The following LILRB4 variants were observed in gnomAD, a reference collection of about 807,000 sequenced individuals.
LILRB4 encodes leukocyte immunoglobulin-like receptor subfamily B member 4.
Under a neutral mutation model 55.2 loss-of-function variants are expected in LILRB4, and 49 were observed. The observed-to-expected ratio is 0.89, with a 90% CI of 0.71 to 1.13. The LOEUF is 1.13. Among genes scored for constraint, LILRB4 ranks in the 50% most tolerant of loss-of-function variants. The pLI is 0.00. For missense variants in LILRB4, 590 were observed against 555.2 expected (o/e 1.06, Z -0.63); for synonymous variants, 229 against 213.8 (o/e 1.07, Z -0.62).
chr19:54,666,520 T>G lies in LILRB4; in HGVS notation c.988+84T>G, dbSNP rs1466247178. 2.5e-5 allele frequency: 39 copies of G among 1,543,490 alleles called. No homozygotes were observed. Among genetic ancestry groups the G allele is most frequent in the Non-Finnish European group, 3.5e-5 (39 of 1,123,550 alleles). ...TAGCAATGGGGGCAGGAGCACAGGC[T>G]AGGATTGGTCAGGGACTCAGGGAGA... is the stretch of plus-strand genomic sequence containing the variant. On this transcript the variant is annotated intron_variant, in intron 9 of 11. Transcript: ENST00000430952. The surrounding 1 kb of genome is among the most constrained non-coding windows in gnomAD (Gnocchi z 4.8).
At chr19:54,663,536 G>C (rs1463212750) in exon 2 of LILRB4, 1 of 1,613,248 alleles carries the variant, frequency 6.2e-7, no homozygotes, top group Non-Finnish European at 8.5e-7. Flanking sequence ...TTCCAGGGCT[G>C]AGTCTGGGCC....
In LILRB4 at chr19:54,665,706, T is replaced by G; in HGVS notation, c.758-109T>G. On this transcript the variant is annotated intron_variant, in intron 6 of 11. Transcript: ENST00000430952. This position sits in a 1 kb window ranked among gnomAD's most constrained non-coding sequence, Gnocchi z 5.5. ...GCAATCTCAGGTTGCACAACTGCTG[T>G]GAGGGTTGGAGGTAATGAAAGAAAG... 1 of 1,295,090 alleles carries G rather than the reference T, an allele frequency of 7.7e-7. No homozygotes were observed. Among genetic ancestry groups the G allele is most frequent in the Non-Finnish European group, 1.1e-6 (1 of 914,254 alleles). 80.2% of individuals were successfully genotyped at this position (1,295,090 alleles called of 1,614,324 possible). A position where few individuals can be genotyped will look rare whatever the true frequency, so the allele number is the denominator to read the frequency against.
chr19:54,665,288 C>T lies in LILRB4; in HGVS notation c.757+108C>T. 1 of 1,353,270 alleles carries T rather than the reference C, an allele frequency of 7.4e-7. No homozygotes were observed. The allele number at this position is 1,353,270 out of a possible 1,614,324, so 83.8% of individuals were successfully genotyped here. A position where few individuals can be genotyped will look rare whatever the true frequency, so the allele number is the denominator to read the frequency against. The stretch of plus-strand genomic sequence containing the variant: ...GAGGTGGTGATGTGGACAGGCCCCT[C>T]CCCTGCATGGGCCTCAGTTTCTCCA... On this transcript the variant is annotated intron_variant, in intron 6 of 11. Transcript: ENST00000430952. The surrounding 1 kb of genome is among the most constrained non-coding windows in gnomAD (Gnocchi z 5.5).
At position 54,665,572 on chromosome 19, in the gene LILRB4, C is replaced by T. The variant is rs1040749070; in HGVS notation, c.758-243C>T. On this transcript the variant is annotated intron_variant, in intron 6 of 11. Coordinates refer to ENST00000430952, the Ensembl canonical transcript of LILRB4. The surrounding 1 kb of genome is among the most constrained non-coding windows in gnomAD (Gnocchi z 5.5). ...GAACAAGGGCTGCAGCTCAGACTCC[C>T]GGGTTTCCTTCCCAGCTCTGCCGCT... Among the ~76,000 whole-genome samples, 4 of 152,116 alleles carry T rather than the reference C, an allele frequency of 2.6e-5. No individual in the cohort carries two copies. Among genetic ancestry groups the T allele is most frequent in the African/African-American group, 4.8e-5 (2 of 41,418 alleles).
In LILRB4 at chr19:54,665,689, A is replaced by T; in HGVS notation, c.758-126A>T. 1 of 1,157,312 alleles carries T rather than the reference A, an allele frequency of 8.6e-7. No individual in the cohort carries two copies. The highest frequency in any genetic ancestry group is 1.3e-5 in the South Asian group (1 of 75,580). 71.7% of individuals were successfully genotyped at this position (1,157,312 alleles called of 1,614,324 possible). On this transcript the variant is annotated intron_variant, in intron 6 of 11. Transcript: ENST00000430952. This position sits in a 1 kb window ranked among gnomAD's most constrained non-coding sequence, Gnocchi z 5.5. ...TGGGTGGAGAGAGGGTGGCAATCTCAGGTTGCACAACTGCTGTGAGGGTTG... is the reference window on the plus strand; with the variant it reads ...TGGGTGGAGAGAGGGTGGCAATCTCTGGTTGCACAACTGCTGTGAGGGTTG...
At position 54,666,233 on chromosome 19, in the gene LILRB4, C is replaced by A. The variant is rs758813162; in HGVS notation, c.875-7C>A. 10 of 1,585,128 alleles carry A rather than the reference C, an allele frequency of 6.3e-6. No individual in the cohort carries two copies. Among genetic ancestry groups the A allele is most frequent in the Middle Eastern group, 1.7e-4 (1 of 5,896 alleles). On this transcript the variant is annotated splice_polypyrimidine_tract_variant and splice_region_variant and intron_variant, in intron 7 of 11. Transcript: ENST00000430952. The surrounding 1 kb of genome is among the most constrained non-coding windows in gnomAD (Gnocchi z 4.8). ...CCAGAGCTGAGACTCTGTCCATCTT[C>A]CCCCAGCCCAGAGACAGGCTGATTT...
In LILRB4 at chr19:54,666,504, G is replaced by A. The variant is rs1339787462; in HGVS notation, c.988+68G>A. The A allele has an allele frequency of 1.5e-5, 24 of 1,569,508 alleles. No homozygotes were observed. The highest frequency in any genetic ancestry group is 6.8e-5 in the South Asian group (6 of 88,368). On this transcript the variant is annotated intron_variant, in intron 9 of 11. Coordinates refer to ENST00000430952, the Ensembl canonical transcript of LILRB4. The surrounding 1 kb of genome is among the most constrained non-coding windows in gnomAD (Gnocchi z 4.8). ...GGTCCCAAAATTTCAATAGCAATGG[G>A]GGCAGGAGCACAGGCTAGGATTGGT...
Position 54,667,841 on chromosome 19 carries a change from C to G in LILRB4, c.1198-32C>G, listed in dbSNP as rs563299913. On this transcript the variant is annotated intron_variant, in intron 11 of 11. Coordinates refer to ENST00000430952, the Ensembl canonical transcript of LILRB4. ...CCCCAGGCCTCCCCCACCCCCACCA[C>G]GTTCCTTCCCTCTCACTCTCCCCCG... 4 of 1,607,304 alleles carry G rather than the reference C, an allele frequency of 2.5e-6. No individual in the cohort carries two copies. In the South Asian group the frequency reaches 3.3e-5, roughly 13 times the overall value.
rs113708264 is a variant in LILRB4, at chr19:54,666,858, C to A, written c.1041+109C>A. ...CGGCTCTCAGCATCGTCACGGTGGA[C>A]CCCTCCTTGTCCAGCACGCTGCCTC... On this transcript the variant is annotated intron_variant, in intron 10 of 11. Transcript: ENST00000430952. This position sits in a 1 kb window ranked among gnomAD's most constrained non-coding sequence, Gnocchi z 4.8. 919 of 1,109,034 alleles carry A rather than the reference C, an allele frequency of 8.3e-4. 2 individuals carry two copies. The African/African-American group carries it at 0.012, about 15-fold the overall frequency. 68.7% of individuals were successfully genotyped at this position (1,109,034 alleles called of 1,614,324 possible). A position where few individuals can be genotyped will look rare whatever the true frequency, so the allele number is the denominator to read the frequency against.
At position 54,667,990 on chromosome 19, in the gene LILRB4, A is replaced by G. The variant is rs757690414; in HGVS notation, c.1315A>G (p.Ser439Gly). The change falls in exon 12 of 12, where the codon AGT (serine) becomes GGT (glycine). Residue 439 changes from serine (S) to glycine (G), a missense_variant. Ser to Gly is a moderately conservative substitution (Grantham distance 56). Transcript: ENST00000430952. ...GGAAGGGGCCTCTCCAGCTGAGCCC[A>G]GTGTCTATGCCACTCTGGCCATCCA... is the stretch of plus-strand genomic sequence containing the variant. The G allele has an allele frequency of 7.4e-6, 12 of 1,614,022 alleles. No individual in the cohort carries two copies. The South Asian group carries it at 1.3e-4, about 18-fold the overall frequency.
At chr19:54,664,976 G>A (rs1274236945) in intron 5 of LILRB4, 127 bp downstream of exon 5, 2 of 1,348,660 alleles carry the variant, frequency 1.5e-6, no homozygotes, top group Admixed American at 3.8e-5. Flanking sequence ...TGGGAGTCGG[G>A]CAGCGACTTG....
At position 54,666,407 on chromosome 19, in the gene LILRB4, C is replaced by A; in HGVS notation, c.959C>A (p.Pro320Gln). Reference sequence around the variant, plus strand: ...CCCGTATCCTCCCCCAGGTCCAGCCCAGCTGCTGACGTCCAGGGAGAAAAC... The same window carrying A: ...CCCGTATCCTCCCCCAGGTCCAGCCAAGCTGCTGACGTCCAGGGAGAAAAC... The change falls in exon 9 of 12, where the codon CCA (proline) becomes CAA (glutamine). Residue 320 changes from proline to glutamine, a missense_variant. Pro to Gln is a moderately conservative substitution (Grantham distance 76). Coordinates refer to ENST00000430952, the Ensembl canonical transcript of LILRB4. The surrounding 1 kb of genome is among the most constrained non-coding windows in gnomAD (Gnocchi z 4.8). The A allele has an allele frequency of 6.2e-7, 1 of 1,614,174 alleles. No homozygotes were observed. Among genetic ancestry groups the A allele is most frequent in the African/African-American group, 1.3e-5 (1 of 75,070 alleles).
chr19:54,666,772 G>T lies in LILRB4; in HGVS notation c.1041+23G>T. ...CGGGTGAGAACCCGCCCCTGTCCCC[G>T]GCACCAAAGGCCTCCTGGTGCCAGA... On this transcript the variant is annotated intron_variant, in intron 10 of 11. Coordinates refer to ENST00000430952, the Ensembl canonical transcript of LILRB4. This position sits in a 1 kb window ranked among gnomAD's most constrained non-coding sequence, Gnocchi z 4.8. The T allele has an allele frequency of 1.9e-6, 3 of 1,609,582 alleles. No individual in the cohort carries two copies. Among genetic ancestry groups the T allele is most frequent in the Non-Finnish European group, 2.6e-6 (3 of 1,176,080 alleles).
Position 54,665,199 on chromosome 19 carries a change from G to A in LILRB4, c.757+19G>A. On this transcript the variant is annotated intron_variant, in intron 6 of 11. Transcript: ENST00000430952. The surrounding 1 kb of genome is among the most constrained non-coding windows in gnomAD (Gnocchi z 5.5). ...CACAGTGGTGAGTGAGGGGCTCTGA[G>A]TGGGAGGTGGGCAGGGTCTAGGGGA... The A allele has an allele frequency of 6.3e-7, 1 of 1,585,188 alleles. No homozygotes were observed. The highest frequency in any genetic ancestry group is 8.6e-7 in the Non-Finnish European group (1 of 1,164,092).
Position 54,666,423 on chromosome 19 carries a change from G to T in LILRB4, c.975G>T (p.Gln325His). ...GGTCCAGCCCAGCTGCTGACGTCCA[G>T]GGAGAAAACTTCTGTGAGTGAGAGG... The change falls in exon 9 of 12, where the codon CAG (glutamine) becomes CAT (histidine). Residue 325 changes from glutamine (Q) to histidine (H), a missense_variant. Transcript: ENST00000430952. The surrounding 1 kb of genome is among the most constrained non-coding windows in gnomAD (Gnocchi z 4.8). The T allele has an allele frequency of 6.2e-7, 1 of 1,614,158 alleles. No individual in the cohort carries two copies. The highest frequency in any genetic ancestry group is 1.3e-5 in the African/African-American group (1 of 75,056).
intron 4 of LILRB4, 83 bp downstream of exon 4, chr19:54,664,568 G>T: frequency 7.0e-7 from 1 of 1,431,162 alleles, no homozygotes; most frequent in Non-Finnish European, 9.5e-7. Flanking sequence ...CAGGGATGGA[G>T]GGAGAGGGGC....
Position 54,665,761 on chromosome 19 carries a change from G to A in LILRB4, c.758-54G>A. 6.5e-7 allele frequency: 1 copy of A among 1,529,146 alleles called. No homozygotes were observed. 94.7% of individuals were successfully genotyped at this position (1,529,146 alleles called of 1,614,324 possible). A position where few individuals can be genotyped will look rare whatever the true frequency, so the allele number is the denominator to read the frequency against. On this transcript the variant is annotated intron_variant, in intron 6 of 11. Transcript: ENST00000430952. The surrounding 1 kb of genome is among the most constrained non-coding windows in gnomAD (Gnocchi z 5.5). Reference sequence around the variant, plus strand: ...AGCACACACAGTAGGTGCACACACAGTAGGTGTGCACATCAATGACATCAT... The same window carrying A: ...AGCACACACAGTAGGTGCACACACAATAGGTGTGCACATCAATGACATCAT...
At chr19:54,668,582 T>A (rs2065397134), downstream of LILRB4, 1 of 152,260 alleles carries the variant, frequency 6.6e-6, no homozygotes, top group South Asian at 2.1e-4. Context: ...ATGAGATAGA[T>A]GAAATACGAA....
At position 54,666,831 on chromosome 19, in the gene LILRB4, C is replaced by T. The variant is rs2065293257; in HGVS notation, c.1041+82C>T. 2.2e-6 allele frequency: 3 copies of T among 1,356,052 alleles called. No homozygotes were observed. The highest frequency in any genetic ancestry group is 2.3e-5 in the South Asian group (2 of 85,632). 84.0% of individuals were successfully genotyped at this position (1,356,052 alleles called of 1,614,324 possible). A position where few individuals can be genotyped will look rare whatever the true frequency, so the allele number is the denominator to read the frequency against. ...TGCAGGACTTCTCTGTCCTCCTTCC[C>T]CCGGCTCTCAGCATCGTCACGGTGG... On this transcript the variant is annotated intron_variant, in intron 10 of 11. Transcript: ENST00000430952. The surrounding 1 kb of genome is among the most constrained non-coding windows in gnomAD (Gnocchi z 4.8).
Sources: allele counts gnomAD v4.1 joint callset (sites outside exome capture counted in the v4.1 genomes callset), GRCh38; gene constraint gnomAD v4.1.1; non-coding constraint Gnocchi (gnomAD v3.1); transcripts MANE v1.5; gene names NCBI Gene and HGNC (gene_info 2026-07-23, HGNC 2026-07-21).